GNAL: variants seen among roughly 807,000 people sequenced by gnomAD.
GNAL encodes guanine nucleotide-binding protein G(olf) subunit alpha.
In GNAL, 18 loss-of-function variants were observed where a neutral mutation model predicts 55.1. The observed-to-expected ratio is 0.33, with a 90% CI of 0.23 to 0.48. GNAL has a LOEUF of 0.48. Among genes scored for constraint, GNAL ranks in the 20% least tolerant of loss-of-function variants. GNAL has a pLI of 0.99. For synonymous variants in GNAL, 253 were observed against 237.0 expected, an observed-to-expected ratio of 1.07 and a Z score of -0.62; for missense variants, 412 against 614.1, an observed-to-expected ratio of 0.67 and a Z score of 3.48.
At chr18:11,806,749 A>G (rs1469333169) in intron 4 of GNAL, among the ~76,000 whole-genome samples, 3 of 144,716 alleles carry the variant, frequency 2.1e-5, no homozygotes, top group Non-Finnish European at 4.5e-5. Flanking sequence ...TTTTTTTTTA[A>G]CTTTTATCTT....
intron 4 of GNAL, among the ~76,000 whole-genome samples, chr18:11,754,175 G>A (rs1291043283): frequency 6.6e-6 from 1 of 152,162 alleles, no homozygotes; most frequent in Admixed American, 6.5e-5. Flanking sequence ...AGCGCTTTGG[G>A]AGGCCGAGGC....
chr18:11,738,014 C>T (rs2143466467), intron 1 of GNAL, among the ~76,000 whole-genome samples: 1 of 152,290 alleles, frequency 6.6e-6, no homozygotes, highest in South Asian at 2.1e-4. Context: ...CGGCAGAACC[C>T]CCAGCGTCCA....
At chr18:11,763,132 T>G (rs949761188) in intron 4 of GNAL, among the ~76,000 whole-genome samples, 1 of 152,240 alleles carries the variant, frequency 6.6e-6, no homozygotes, top group Admixed American at 6.5e-5. Flanking sequence ...TATTTTGAAG[T>G]GATTTTAATC....
intron 1 of GNAL, among the ~76,000 whole-genome samples, chr18:11,705,250 G>A (rs551525076): frequency 1.3e-5 from 2 of 152,022 alleles, no homozygotes; most frequent in South Asian, 2.1e-4. Flanking sequence ...TTCCCTCCAG[G>A]TTCATCCATG....
intron 1 of GNAL, among the ~76,000 whole-genome samples, chr18:11,705,083 A>C (rs2031675779): frequency 6.6e-6 from 1 of 152,168 alleles, no homozygotes; most frequent in Non-Finnish European, 1.5e-5. Flanking sequence ...CATGTCTGAA[A>C]TGTTTTACTC....
At chr18:11,878,249 G>A (rs1249236063) in intron 11 of GNAL, among the ~76,000 whole-genome samples, 6 of 152,180 alleles carry the variant, frequency 3.9e-5, no homozygotes, top group Non-Finnish European at 8.8e-5. Context: ...CCAGAAGTTC[G>A]AGATCAGCTA....
chr18:11,802,823 G>A (rs1191199614), intron 4 of GNAL, among the ~76,000 whole-genome samples: 2 of 152,150 alleles, frequency 1.3e-5, no homozygotes, highest in Non-Finnish European at 2.9e-5. Context: ...CCGGGGCTGC[G>A]GAGGATGTGG....
intron 4 of GNAL, among the ~76,000 whole-genome samples, chr18:11,769,060 T>G (rs1467139066): frequency 3.3e-5 from 3 of 91,420 alleles, no homozygotes; most frequent in Admixed American, 1.3e-4. Context: ...ATATAATATA[T>G]ATTATAATAT....
rs8085982 is a variant in GNAL, at chr18:11,751,996, C to T, written c.377-857C>T. On this transcript the variant is annotated intron_variant, in intron 1 of 11. Transcript: ENST00000334049. This position sits in a 1 kb window ranked among gnomAD's most constrained non-coding sequence, Gnocchi z 4.5. ...CAGCCACCACCCCGGCTGTTTGGGACCCGGCACCCAGCCGAGCGCGCCGCC... is the reference window on the plus strand; with the variant it reads ...CAGCCACCACCCCGGCTGTTTGGGATCCGGCACCCAGCCGAGCGCGCCGCC... 4,678 of 153,220 alleles carry T rather than the reference C, an allele frequency of 0.031. 84 individuals carry two copies. Among genetic ancestry groups the T allele is most frequent in the African/African-American group, 0.047 (1,936 of 41,584 alleles). 9.5% of individuals were successfully genotyped at this position (153,220 alleles called of 1,614,324 possible). A position where few individuals can be genotyped will look rare whatever the true frequency, so the allele number is the denominator to read the frequency against.
At chr18:11,690,003 C>A in intron 1 of GNAL, 64 bp downstream of exon 1, 1 of 995,912 alleles carries the variant, frequency 1.0e-6, no homozygotes, top group Non-Finnish European at 1.3e-6. Context: ...GCGGGGGCGG[C>A]GGGCACCGGG....
At chr18:11,830,418 A>C (rs1365437463) in intron 5 of GNAL, among the ~76,000 whole-genome samples, 1 of 150,004 alleles carries the variant, frequency 6.7e-6, no homozygotes, top group African/African-American at 2.5e-5. Flanking sequence ...TCAGAATTGC[A>C]TCTTGAACCC....
chr18:11,824,415 C>T (rs954675701), intron 4 of GNAL, among the ~76,000 whole-genome samples: 2 of 152,122 alleles, frequency 1.3e-5, no homozygotes, highest in Admixed American at 6.6e-5. Flanking sequence ...GGGCCAGGCA[C>T]GGTGGCTCAC....
chr18:11,778,099 G>T (rs116644978), intron 4 of GNAL, among the ~76,000 whole-genome samples: 2,074 of 152,240 alleles, frequency 0.014, 53 homozygotes, highest in African/African-American at 0.047. Context: ...TGTGCTCTTC[G>T]GAGAGGGACT....
At chr18:11,815,876 G>A (rs2034942030) in intron 4 of GNAL, among the ~76,000 whole-genome samples, 1 of 151,954 alleles carries the variant, frequency 6.6e-6, no homozygotes, top group South Asian at 2.1e-4. Flanking sequence ...TTTCATAAAA[G>A]ATAGCCAACG....
intron 10 of GNAL, among the ~76,000 whole-genome samples, chr18:11,875,112 G>T (rs141137288): frequency 6.6e-6 from 1 of 152,162 alleles, no homozygotes; most frequent in Non-Finnish European, 1.5e-5. Flanking sequence ...TGGGTGCTCC[G>T]CATGCCTGAG....
chr18:11,884,360 G>A lies in GNAL; in HGVS notation c.*3225G>A, dbSNP rs1468328061. 1.5e-6 allele frequency: 2 copies of A among 1,291,342 alleles called. No homozygotes were observed. Among genetic ancestry groups the A allele is most frequent in the African/African-American group, 2.9e-5 (2 of 67,820 alleles). 80.0% of individuals were successfully genotyped at this position (1,291,342 alleles called of 1,614,324 possible). On this transcript the variant is annotated 3_prime_UTR_variant, in exon 12 of 12. Coordinates refer to ENST00000334049, the MANE Select transcript of GNAL (RefSeq NM_182978.4). Reference sequence around the variant, plus strand: ...CTGTGCAGAGAGACGGCCTGTAATTGGTCTCATCATCCACTTGATTCTAAC... The same window carrying A: ...CTGTGCAGAGAGACGGCCTGTAATTAGTCTCATCATCCACTTGATTCTAAC...
At chr18:11,880,389 T>A (rs576047407) in intron 11 of GNAL, among the ~76,000 whole-genome samples, 1 of 151,894 alleles carries the variant, frequency 6.6e-6, no homozygotes, top group East Asian at 2.0e-4. Context: ...GCCAACATGG[T>A]GACACCCCGT....
At chr18:11,731,039 G>T (rs1039491265) in intron 1 of GNAL, among the ~76,000 whole-genome samples, 2 of 152,194 alleles carry the variant, frequency 1.3e-5, no homozygotes, top group Non-Finnish European at 2.9e-5. Flanking sequence ...TTAGACTGAT[G>T]ATCTCTGTTT....
chr18:11,880,706 G>A (rs1264837373), intron 11 of GNAL, among the ~76,000 whole-genome samples: 1 of 152,216 alleles, frequency 6.6e-6, no homozygotes, highest in Non-Finnish European at 1.5e-5. Context: ...AGAAAACTCT[G>A]TTCAGACCTT....
Sources: gnomAD v4.1 joint callset for allele counts (sites outside exome capture counted in the v4.1 genomes callset) on GRCh38, gnomAD v4.1.1 for gene constraint, Gnocchi (gnomAD v3.1) non-coding constraint, MANE v1.5 for transcripts, NCBI Gene and HGNC (gene_info 2026-07-23, HGNC 2026-07-21) for gene names.